The following KLHL15 variants were observed in gnomAD, a reference collection of about 807,000 sequenced individuals.
The protein encoded by KLHL15 is kelch like family member 15.
In KLHL15, 1 loss-of-function variant was observed where a neutral mutation model predicts 29.3. The ratio of observed to expected loss-of-function variants is 0.03; its 90% CI spans 0.01 to 0.16. The LOEUF is 0.16. KLHL15 is among the 10% of genes least tolerant of loss of function. The probability of loss-of-function intolerance (pLI) is 1.00; values close to 1 mark genes in which losing one functional copy is unlikely to be tolerated. For missense variants in KLHL15, 215 were observed against 478.5 expected (o/e 0.45, Z 5.14); for synonymous variants, 212 against 184.5 (o/e 1.15, Z -1.21).
rs373571267 is a variant in KLHL15, at chrX:24,003,381, T to TA, written c.705+2607dup. ...TAACACAGTGAAACCCCGTCTCTAC[T>TA]AAAAAAAAAAAATGCAAAAAAATTA... On this transcript the variant is annotated intron_variant, in intron 3 of 3. Coordinates refer to ENST00000328046, the MANE Select transcript of KLHL15 (RefSeq NM_030624.3). Among the ~76,000 whole-genome samples the TA allele has an allele frequency of 2.5e-3, 249 of 98,699 alleles. 5 individuals are homozygous for TA. In the East Asian group the frequency reaches 0.051, roughly 20 times the overall value. The allele number at this position is 98,699 out of a possible 115,157, so 85.7% of individuals were successfully genotyped here.
In KLHL15 at chrX:24,011,043, CATGAATAAACT is replaced by C. The variant is rs1243710133; in HGVS notation, c.-7-4354_-7-4344del. Among the ~76,000 whole-genome samples, 7 of 109,445 alleles carry C rather than the reference CATGAATAAACT, an allele frequency of 6.4e-5. No individual in the cohort carries two copies. In the East Asian group the frequency reaches 1.4e-3, roughly 22 times the overall value. On this transcript the variant is annotated intron_variant, in intron 2 of 3. Coordinates refer to ENST00000328046, the MANE Select transcript of KLHL15 (RefSeq NM_030624.3). ...TAAAAAGACGCCACTTCTCCACTCT[CATGAATAAACT>C]ATCACTAGATTTACTACTTTGTTTC...
rs199819524 is a variant in KLHL15, at chrX:24,006,495, G to T, written c.199C>A (p.Arg67=). 222 of 1,209,237 alleles carry T rather than the reference G, an allele frequency of 1.8e-4. 1 individual carries two copies. In the East Asian group the frequency reaches 6.5e-3, roughly 35 times the overall value. The part of the protein sequence containing the change: ...RIMFTADMRE[R]DQDKIHLKGL... ...TTTAAATGAATTTTGTCCTGATCTCGTTCCCTCATGTCTGCAGTAAACATA... is the reference window on the plus strand; with the variant it reads ...TTTAAATGAATTTTGTCCTGATCTCTTTCCCTCATGTCTGCAGTAAACATA... The change falls in exon 3 of 4, where the codon CGA becomes AGA. Residue 67 remains arginine, a synonymous_variant. Coordinates refer to ENST00000328046, the MANE Select transcript of KLHL15 (RefSeq NM_030624.3).
chrX:24,005,535 A>G (rs905972370), intron 3 of KLHL15, among the ~76,000 whole-genome samples: 1 of 111,785 alleles, frequency 8.9e-6, no homozygotes, highest in Non-Finnish European at 1.9e-5. Context: ...GCTATATTTT[A>G]GAGGAATAAG....
At chrX:24,008,871 G>GAGA (rs1555977227) in intron 2 of KLHL15, among the ~76,000 whole-genome samples, 45 of 74,539 alleles carry the variant, frequency 6.0e-4, no homozygotes, top group African/African-American at 2.3e-3. Context: ...ACGCGTGTTA[G>GAGA]AAAAAAAAAA....
At chrX:24,018,482 G>A (rs1475009791) in intron 2 of KLHL15, among the ~76,000 whole-genome samples, 2 of 109,355 alleles carry the variant, frequency 1.8e-5, no homozygotes, top group African/African-American at 6.7e-5. Context: ...AAATGACAAG[G>A]CATACTTATA....
At chrX:24,003,678 T>TGC (rs1225770857) in intron 3 of KLHL15, among the ~76,000 whole-genome samples, 1 of 106,139 alleles carries the variant, frequency 9.4e-6, no homozygotes. Flanking sequence ...TGTGTGTGTG[T>TGC]GCTCGTGTGC....
At chrX:24,010,972 G>C (rs948411390) in intron 2 of KLHL15, among the ~76,000 whole-genome samples, 3 of 110,282 alleles carry the variant, frequency 2.7e-5, no homozygotes, top group African/African-American at 9.9e-5. Context: ...GGGTTTGGCT[G>C]AGCCCTCAGT....
rs187148555 is a variant in KLHL15 at position 24,022,060 on chromosome X, C to T, written c.-8+2797G>A. Among the ~76,000 whole-genome samples, 168 of 110,909 alleles carry T rather than the reference C, an allele frequency of 1.5e-3. 3 individuals carry two copies. Among genetic ancestry groups the T allele is most frequent in the Admixed American group, 0.012 (128 of 10,337 alleles). Reference sequence around the variant, plus strand: ...TGTTGTTAAAAGGCTGGGCGATGGCCGGGCGCGGTGGCTCATGTCTGTAAT... The same window carrying T: ...TGTTGTTAAAAGGCTGGGCGATGGCTGGGCGCGGTGGCTCATGTCTGTAAT... On this transcript the variant is annotated intron_variant, in intron 2 of 3. Transcript: ENST00000328046.
chrX:23,994,123 T>A (rs1340554554), intron 3 of KLHL15, among the ~76,000 whole-genome samples: 2 of 109,989 alleles, frequency 1.8e-5, no homozygotes, highest in African/African-American at 6.6e-5. Flanking sequence ...ACCAAGACAG[T>A]GTGAAGTTAT....
chrX:24,023,806 C>G, intron 2 of KLHL15, among the ~76,000 whole-genome samples: 1 of 111,978 alleles, frequency 8.9e-6, no homozygotes, highest in East Asian at 2.8e-4. Context: ...ACATTAAGTG[C>G]TAAAAAGTTG....
intron 2 of KLHL15, among the ~76,000 whole-genome samples, chrX:24,021,905 T>C (rs1484218983): frequency 9.0e-6 from 1 of 111,430 alleles, no homozygotes; most frequent in African/African-American, 3.3e-5. Flanking sequence ...CCACCTCCTC[T>C]AAGCTAAAGA....
chrX:23,989,091 C>T, intron 3 of KLHL15, 61 bp from the exon 4 acceptor site: 1 of 957,990 alleles, frequency 1.0e-6, no homozygotes. Context: ...AACAAATTAT[C>T]AAAGCTGACT....
intron 3 of KLHL15, among the ~76,000 whole-genome samples, chrX:23,992,252 C>T (rs764874407): frequency 8.9e-6 from 1 of 112,108 alleles, no homozygotes; most frequent in South Asian, 3.7e-4. Context: ...ATTCATAACC[C>T]TATGATAGAA....
At chrX:24,024,811 G>A in intron 2 of KLHL15, 46 bp downstream of exon 2, 1 of 297,623 alleles carries the variant, frequency 3.4e-6, no homozygotes, top group Non-Finnish European at 5.9e-6. Context: ...GGGGCCGCGG[G>A]CGAAGCCCGG....
At chrX:24,022,666 T>C (rs1602020376) in intron 2 of KLHL15, among the ~76,000 whole-genome samples, 2 of 104,234 alleles carry the variant, frequency 1.9e-5, no homozygotes, top group African/African-American at 7.0e-5. Context: ...TCGTTAAAGG[T>C]AATAAAATGT....
At chrX:24,009,223 G>A (rs185156927) in intron 2 of KLHL15, among the ~76,000 whole-genome samples, 105 of 111,206 alleles carry the variant, frequency 9.4e-4, no homozygotes, top group African/African-American at 3.3e-3. Context: ...AAGGCCGGGC[G>A]TGGTGGCTCA....
At chrX:24,012,521 T>C (rs1929596538) in intron 2 of KLHL15, among the ~76,000 whole-genome samples, 1 of 111,849 alleles carries the variant, frequency 8.9e-6, no homozygotes, top group Non-Finnish European at 1.9e-5. Context: ...TTCTTGCCTC[T>C]TTTCTCATCT....
At chrX:23,998,231 G>T (rs769977316) in intron 3 of KLHL15, among the ~76,000 whole-genome samples, 1 of 110,874 alleles carries the variant, frequency 9.0e-6, no homozygotes, top group Non-Finnish European at 1.9e-5. Context: ...AAAGTGCTGC[G>T]ATTACAGGCG....
chrX:24,024,770 CAG>C, intron 2 of KLHL15, 85 bp downstream of exon 2: 1 of 297,195 alleles, frequency 3.4e-6, no homozygotes, highest in East Asian at 4.7e-5. Context: ...CGGGTCCGTG[CAG>C]AGAGGGCCGG....
Sources: allele counts gnomAD v4.1 joint callset (sites outside exome capture counted in the v4.1 genomes callset), GRCh38; gene constraint gnomAD v4.1.1; transcripts MANE v1.5; gene names NCBI Gene and HGNC (gene_info 2026-07-23, HGNC 2026-07-21).